IL17RE: variants seen among roughly 807,000 people sequenced by gnomAD.
The protein encoded by IL17RE is interleukin-17 receptor E.
A neutral mutation model predicts 70.7 loss-of-function variants in IL17RE; 47 were observed. The ratio of observed to expected loss-of-function variants is 0.67; its 90% CI spans 0.53 to 0.85. The LOEUF (loss-of-function observed/expected upper bound fraction) is 0.85. Ranked by LOEUF, IL17RE falls within the 40% of genes least tolerant of loss-of-function variation. The probability of loss-of-function intolerance (pLI) is 0.00; values close to 1 mark genes in which losing one functional copy is unlikely to be tolerated. For missense variants in IL17RE, 850 were observed against 893.9 expected (o/e 0.95, Z 0.63); for synonymous variants, 372 against 381.2 (o/e 0.98, Z 0.28).
Position 9,911,476 on chromosome 3 carries a change from C to T in IL17RE, c.1106C>T (p.Thr369Ile). ...ACATCCTGGAATGTAAGCATGGATACCCAAGCCCAGCAGCTGATTCTTCAC... is the reference window on the plus strand; with the variant it reads ...ACATCCTGGAATGTAAGCATGGATATCCAAGCCCAGCAGCTGATTCTTCAC... ...SLTSWNVSMD[T>I]QAQQLILHFS... The change falls in exon 12 of 16, where the codon ACC becomes ATC. Residue 369 changes from threonine to isoleucine, a missense_variant. Physicochemically the swap from Thr to Ile is moderately conservative, Grantham distance 89. Transcript: ENST00000383814. 1.1e-5 allele frequency: 17 copies of T among 1,614,204 alleles called. No individual in the cohort carries two copies. The highest frequency in any genetic ancestry group is 1.4e-5 in the Non-Finnish European group (17 of 1,180,038).
chr3:9,910,944 CT>C lies in IL17RE; in HGVS notation c.883del (p.Cys295AlafsTer3), dbSNP rs2082875992. 1.2e-6 allele frequency: 2 copies of C among 1,614,196 alleles called. No individual in the cohort carries two copies. The highest frequency in any genetic ancestry group is 1.7e-6 in the Non-Finnish European group (2 of 1,180,024). ...TQMVMALTLR[C>X]PLKLEAALCQ... The stretch of plus-strand genomic sequence containing the variant: ...AGATGGTCATGGCCCTGACACTCCG[CT>C]GCCCACTGAAGCTGGAAGCTGCCCT... On this transcript the variant is annotated frameshift_variant, in exon 9 of 16. Coordinates refer to ENST00000383814, the MANE Select transcript of IL17RE (RefSeq NM_153480.2). LOFTEE classifies it high-confidence loss of function.
In IL17RE at chr3:9,907,065, G is replaced by C. The variant is rs1307197314; in HGVS notation, c.631G>C (p.Glu211Gln). Reference sequence around the variant, plus strand: ...GCGTCTTTGTCACCAGTGGGCACTGGAGTGTGAAGAGCTGAGCAGTCCCTA... The same window carrying C: ...GCGTCTTTGTCACCAGTGGGCACTGCAGTGTGAAGAGCTGAGCAGTCCCTA... ...SVRLCHQWAL[E>Q]CEELSSPYDV... Residue 211 changes from glutamate (E) to glutamine (Q), a missense_variant, in exon 6 of 16, where the codon GAG becomes CAG. Glu to Gln is a conservative substitution (Grantham distance 29, BLOSUM62 2). Coordinates refer to ENST00000383814, the MANE Select transcript of IL17RE (RefSeq NM_153480.2). 1 of 1,614,206 alleles carries C rather than the reference G, an allele frequency of 6.2e-7. No individual in the cohort carries two copies. The highest frequency in any genetic ancestry group is 2.2e-5 in the East Asian group (1 of 44,894).
At chr3:9,914,260 G>A in intron 13 of IL17RE, 2 of 718,404 alleles carry the variant, frequency 2.8e-6, no homozygotes, top group Non-Finnish European at 4.5e-6. Flanking sequence ...ACAATGGCCT[G>A]GAGCTCAGTG....
chr3:9,902,599 G>A (rs569521533), upstream of IL17RE: 18 of 1,535,246 alleles, frequency 1.2e-5, 1 homozygote, highest in South Asian at 1.4e-4. Flanking sequence ...TGTTTCAGGA[G>A]TAGGAGGGGC....
chr3:9,913,214 C>T (rs1424705380), intron 12 of IL17RE, among the ~76,000 whole-genome samples: 1 of 151,894 alleles, frequency 6.6e-6, no homozygotes, highest in Non-Finnish European at 1.5e-5. Context: ...AGACCAGCCT[C>T]ACCAACATGG....
At chr3:9,914,956 A>C (rs759080475) in intron 15 of IL17RE, among the ~76,000 whole-genome samples, 179 bp downstream of exon 15, 1 of 152,198 alleles carries the variant, frequency 6.6e-6, no homozygotes, top group Non-Finnish European at 1.5e-5. Context: ...CCCTCTGAGC[A>C]TATTGTCACT....
intron 6 of IL17RE, 136 bp downstream of exon 6, chr3:9,907,236 C>A: frequency 1.7e-6 from 2 of 1,176,682 alleles, no homozygotes; most frequent in Non-Finnish European, 1.2e-6. Flanking sequence ...GCTGAAGGGT[C>A]TATCATTAAG....
At position 9,902,986 on chromosome 3, in the gene IL17RE, C is replaced by G. The variant is rs201241474; in HGVS notation, c.54C>G (p.Ile18Met). 6.2e-7 allele frequency: 1 copy of G among 1,614,196 alleles called. No homozygotes were observed. Among genetic ancestry groups the G allele is most frequent in the Non-Finnish European group, 8.5e-7 (1 of 1,179,984 alleles). Reference protein sequence around the residue: ...ALLLPLLLIVIDLSDSAGIGF... With the variant: ...ALLLPLLLIVMDLSDSAGIGF... Reference sequence around the variant, plus strand: ...TCCTGCCTCTCCTCCTCATAGTCATCGACCTCTCTGACTCTGCTGGGATTG... The same window carrying G: ...TCCTGCCTCTCCTCCTCATAGTCATGGACCTCTCTGACTCTGCTGGGATTG... The change falls in exon 1 of 16, where the codon ATC (isoleucine) becomes ATG (methionine). Residue 18 changes from isoleucine (I) to methionine (M), a missense_variant. Ile to Met is a conservative substitution (Grantham distance 10). Coordinates refer to ENST00000383814, the MANE Select transcript of IL17RE (RefSeq NM_153480.2).
chr3:9,915,348 G>A lies in IL17RE; in HGVS notation c.1545G>A (p.Ala515=), dbSNP rs778345181. 3 of 1,372,272 alleles carry A rather than the reference G, an allele frequency of 2.2e-6. No individual in the cohort carries two copies. The highest frequency in any genetic ancestry group is 1.7e-5 in the South Asian group (1 of 57,666). The allele number at this position is 1,372,272 out of a possible 1,614,324, so 85.0% of individuals were successfully genotyped here. ...VGALAELLRA[A]LGGGRDVIVD... ...CGCTGGCTGAACTGCTACGGGCAGCGCTGGGCGGCGGGCGCGACGTGATCG... is the reference window on the plus strand; with the variant it reads ...CGCTGGCTGAACTGCTACGGGCAGCACTGGGCGGCGGGCGCGACGTGATCG... Residue 515 remains alanine, a synonymous_variant, in exon 16 of 16, where the codon GCG becomes GCA. Coordinates refer to ENST00000383814, the MANE Select transcript of IL17RE (RefSeq NM_153480.2). This position sits in a 1 kb window ranked among gnomAD's most constrained non-coding sequence, Gnocchi z 4.9.
In IL17RE at chr3:9,907,259, G is replaced by A. The variant is rs561569267; in HGVS notation, c.666+159G>A. Among the ~76,000 whole-genome samples the A allele has an allele frequency of 1.8e-4, 27 of 152,220 alleles. 1 individual carries two copies. In the South Asian group the frequency reaches 3.5e-3, roughly 20 times the overall value. ...GTCTATCATTAAGACTTCTTTGGGCGTGGCATGGTGGCTCACACCTGTGGT... is the reference window on the plus strand; with the variant it reads ...GTCTATCATTAAGACTTCTTTGGGCATGGCATGGTGGCTCACACCTGTGGT... On this transcript the variant is annotated intron_variant, in intron 6 of 15. Transcript: ENST00000383814.
intron 3 of IL17RE, among the ~76,000 whole-genome samples, chr3:9,905,480 C>G (rs779409033): frequency 1.4e-5 from 2 of 147,504 alleles, no homozygotes; most frequent in East Asian, 4.1e-4. Context: ...AAGGAAGGAA[C>G]GAAGGAAGGA....
chr3:9,909,370 C>G (rs1301916066), intron 8 of IL17RE, 87 bp downstream of exon 8: 1 of 1,130,232 alleles, frequency 8.8e-7, no homozygotes, highest in African/African-American at 1.5e-5. Flanking sequence ...CACACACACA[C>G]ACACCCCGCA....
rs768405034 is a variant in IL17RE, at chr3:9,915,393, G to A, written c.1590G>A (p.Arg530=). ...RDVIVDLWEG[R]HVARVGPLPW... ...TGATCGTGGACCTGTGGGAGGGGAG[G>A]CACGTGGCGCGCGTGGGCCCGCTGC... Residue 530 remains arginine (R), a synonymous_variant, in exon 16 of 16, where the codon AGG becomes AGA. Coordinates refer to ENST00000383814, the MANE Select transcript of IL17RE (RefSeq NM_153480.2). The surrounding 1 kb of genome is among the most constrained non-coding windows in gnomAD (Gnocchi z 4.9). 23 of 1,363,272 alleles carry A rather than the reference G, an allele frequency of 1.7e-5. No individual in the cohort carries two copies. Among genetic ancestry groups the A allele is most frequent in the Middle Eastern group, 5.3e-4 (2 of 3,768 alleles). The allele number at this position is 1,363,272 out of a possible 1,614,324, so 84.4% of individuals were successfully genotyped here.
At chr3:9,904,947 T>C (rs1335629804) in intron 3 of IL17RE, among the ~76,000 whole-genome samples, 3 of 148,792 alleles carry the variant, frequency 2.0e-5, no homozygotes, top group Non-Finnish European at 4.5e-5. Context: ...ATACAAAAAT[T>C]AGCTGGATGT....
chr3:9,909,373 A>ACT lies in IL17RE; in HGVS notation c.802+91_802+92insTC, dbSNP rs1553570526. 6.7e-5 allele frequency: 72 copies of ACT among 1,069,158 alleles called. No individual in the cohort carries two copies. In the South Asian group the frequency reaches 8.9e-4, roughly 13 times the overall value. The allele number at this position is 1,069,158 out of a possible 1,614,324, so 66.2% of individuals were successfully genotyped here. Reference sequence around the variant, plus strand: ...CACATGTACACACACACACACACACACCCCGCACTTCACACATGTGCTGGG... The same window carrying ACT: ...CACATGTACACACACACACACACACACTCCCCGCACTTCACACATGTGCTGGG... On this transcript the variant is annotated intron_variant, in intron 8 of 15. Transcript: ENST00000383814.
chr3:9,914,736 T>G lies in IL17RE; in HGVS notation c.1406T>G (p.Leu469Arg). The change falls in exon 15 of 16, where the codon CTG (leucine) becomes CGG (arginine). Residue 469 changes from leucine to arginine, a missense_variant. Transcript: ENST00000383814. ...GCACTGCTGGCCCTCCTCACCCTAC[T>G]GGGTGTTGTTCTGGCCCTCACCTGC... is the stretch of plus-strand genomic sequence containing the variant. ...ILALLALLTL[L>R]GVVLALTCRR... The G allele has an allele frequency of 6.2e-7, 1 of 1,614,080 alleles. No individual in the cohort carries two copies. The highest frequency in any genetic ancestry group is 8.5e-7 in the Non-Finnish European group (1 of 1,180,004).
At chr3:9,913,903 C>G in intron 12 of IL17RE, 53 bp from the exon 13 acceptor site, 1 of 1,448,914 alleles carries the variant, frequency 6.9e-7, no homozygotes, top group Non-Finnish European at 9.7e-7. Context: ...CAAGGCCAGA[C>G]AGGGCCAGAT....
chr3:9,908,084 G>T (rs972966415), intron 6 of IL17RE, among the ~76,000 whole-genome samples, 155 bp from the exon 7 acceptor site: 3 of 152,164 alleles, frequency 2.0e-5, no homozygotes, highest in Non-Finnish European at 4.4e-5. Context: ...TTACTAAGCA[G>T]ACAACCTTTG....
Position 9,914,783 on chromosome 3 carries a change from C to A in IL17RE, c.1447+6C>A, listed in dbSNP as rs780288678. 2 of 1,612,452 alleles carry A rather than the reference C, an allele frequency of 1.2e-6. No homozygotes were observed. Among genetic ancestry groups the A allele is most frequent in the Admixed American group, 3.3e-5 (2 of 60,016 alleles). Reference sequence around the variant, plus strand: ...CTGCCGGCGCCCACAGTCAGGTAAGCTCACCTGGGGTAACCTGGGAAGTCA... The same window carrying A: ...CTGCCGGCGCCCACAGTCAGGTAAGATCACCTGGGGTAACCTGGGAAGTCA... On this transcript the variant is annotated splice_donor_region_variant and intron_variant, in intron 15 of 15. Transcript: ENST00000383814.
Sources: allele counts gnomAD v4.1 joint callset (sites outside exome capture counted in the v4.1 genomes callset), GRCh38; gene constraint gnomAD v4.1.1; non-coding constraint Gnocchi (gnomAD v3.1); transcripts MANE v1.5; gene names NCBI Gene and HGNC (gene_info 2026-07-23, HGNC 2026-07-21).